NLGN4X: variants seen among roughly 807,000 people sequenced by gnomAD.
NLGN4X encodes neuroligin-4, X-linked.
In NLGN4X, 3 loss-of-function variants were observed where a neutral mutation model predicts 40.3. The observed-to-expected ratio is 0.07, with a 90% CI of 0.03 to 0.19. NLGN4X has a LOEUF of 0.19. Ranked by LOEUF, NLGN4X falls within the 10% of genes least tolerant of loss-of-function variation. NLGN4X has a pLI of 1.00. For missense variants in NLGN4X, 382 were observed against 708.3 expected, an observed-to-expected ratio of 0.54 and a Z score of 5.23; for synonymous variants, 270 against 306.8, an observed-to-expected ratio of 0.88 and a Z score of 1.25.
chrX:6,141,144 G>A (rs965882266), intron 2 of NLGN4X, among the ~76,000 whole-genome samples: 2 of 111,148 alleles, frequency 1.8e-5, no homozygotes, highest in Non-Finnish European at 1.9e-5. Flanking sequence ...ACAACTTCTC[G>A]ATTTCTGTTT....
At chrX:5,973,859 C>A (rs1569162422) in intron 3 of NLGN4X, among the ~76,000 whole-genome samples, 1 of 111,762 alleles carries the variant, frequency 8.9e-6, no homozygotes, top group East Asian at 2.8e-4. Flanking sequence ...GGAAGTTTCA[C>A]TGCACTAGGG....
chrX:5,903,746 G>A lies in NLGN4X; in HGVS notation c.932C>T (p.Thr311Ile). The A allele has an allele frequency of 8.3e-7, 1 of 1,211,842 alleles. No individual in the cohort carries two copies. The highest frequency in any genetic ancestry group is 1.1e-6 in the Non-Finnish European group (1 of 895,578). ...ADKVGCNMLD[T>I]TDMVECLRNK... ...CCGCAGGCATTCTACCATGTCCGTG[G>A]TGTCCAGCATGTTGCAGCCGACCTT... Residue 311 changes from threonine to isoleucine, a missense_variant, in exon 5 of 6, where the codon ACC (threonine) becomes ATC (isoleucine). Coordinates refer to ENST00000381095, the MANE Select transcript of NLGN4X (RefSeq NM_181332.3).
intron 3 of NLGN4X, among the ~76,000 whole-genome samples, chrX:5,929,372 C>T (rs922953578): frequency 9.0e-5 from 10 of 111,380 alleles, no homozygotes; most frequent in Admixed American, 5.7e-4. Flanking sequence ...GAGGCTGAGA[C>T]AGGAGAATCA....
At chrX:6,213,178 A>G (rs1416803445) in intron 1 of NLGN4X, among the ~76,000 whole-genome samples, 1 of 110,828 alleles carries the variant, frequency 9.0e-6, no homozygotes, top group East Asian at 2.9e-4. Context: ...TCTTCTGGAC[A>G]GTAGTCACCG....
intron 2 of NLGN4X, among the ~76,000 whole-genome samples, chrX:6,071,205 G>GT (rs1224308214): frequency 9.0e-6 from 1 of 111,655 alleles, no homozygotes; most frequent in Non-Finnish European, 1.9e-5. Context: ...GAAACAGTGT[G>GT]TATTGCGGCT....
intron 3 of NLGN4X, among the ~76,000 whole-genome samples, chrX:6,022,978 T>C (rs755360715): frequency 2.7e-5 from 3 of 112,144 alleles, no homozygotes; most frequent in Admixed American, 9.5e-5. Context: ...AAGCGTCTAA[T>C]AGGTTTATTC....
intron 4 of NLGN4X, among the ~76,000 whole-genome samples, chrX:5,907,886 A>G (rs2032278545): frequency 9.4e-6 from 1 of 106,573 alleles, no homozygotes; most frequent in African/African-American, 3.4e-5. Context: ...AGGGAGGGAG[A>G]GAGAGAGAAA....
intron 3 of NLGN4X, among the ~76,000 whole-genome samples, chrX:5,913,845 G>C (rs949077583): frequency 2.7e-5 from 3 of 111,821 alleles, no homozygotes; most frequent in Non-Finnish European, 5.6e-5. Flanking sequence ...TGAATCATGG[G>C]GGTGGGTTTT....
chrX:5,932,785 G>A (rs1471669007), intron 3 of NLGN4X, among the ~76,000 whole-genome samples: 4 of 110,383 alleles, frequency 3.6e-5, no homozygotes, highest in African/African-American at 1.3e-4. Context: ...ACCAGGATCA[G>A]GTAACAGAAA....
At chrX:5,946,651 G>A (rs1321184740) in intron 3 of NLGN4X, among the ~76,000 whole-genome samples, 3 of 111,406 alleles carry the variant, frequency 2.7e-5, no homozygotes, top group East Asian at 5.7e-4. Flanking sequence ...CAGAAAGACC[G>A]CCCATAAATG....
rs780932983 is a variant in NLGN4X at position 6,151,499 on chromosome X, C to T, written c.-33G>A. On this transcript the variant is annotated 5_prime_UTR_variant, in exon 2 of 6. Transcript: ENST00000381095. ...ATCTGCATCCACATCCACAGCTGTC[C>T]CAGTGATGTGGCTCCAAGGAGACAA... The T allele has an allele frequency of 9.6e-6, 11 of 1,145,991 alleles. No homozygotes were observed. The South Asian group carries it at 2.0e-4, about 21-fold the overall frequency. The allele number at this position is 1,145,991 out of a possible 1,213,427, so 94.4% of individuals were successfully genotyped here. A position where few individuals can be genotyped will look rare whatever the true frequency, so the allele number is the denominator to read the frequency against.
At chrX:5,947,880 G>A (rs754938511) in intron 3 of NLGN4X, among the ~76,000 whole-genome samples, 14 of 112,178 alleles carry the variant, frequency 1.2e-4, no homozygotes, top group Non-Finnish European at 2.3e-4. Context: ...CTTTTTAAAT[G>A]TATGTCTCAT....
intron 2 of NLGN4X, among the ~76,000 whole-genome samples, chrX:6,036,643 C>CAA (rs1177520572): frequency 1.8e-5 from 2 of 109,322 alleles, no homozygotes; most frequent in African/African-American, 6.7e-5. Context: ...CACACACACA[C>CAA]AGCCCAAATA....
At chrX:6,071,038 C>T (rs1178173748) in intron 2 of NLGN4X, among the ~76,000 whole-genome samples, 2 of 111,297 alleles carry the variant, frequency 1.8e-5, no homozygotes, top group African/African-American at 3.3e-5. Context: ...CTGAGGTGAG[C>T]GGACTGCTTG....
chrX:5,892,328 C>T lies in NLGN4X; in HGVS notation c.*489G>A, dbSNP rs2031220214. On this transcript the variant is annotated 3_prime_UTR_variant, in exon 6 of 6. Transcript: ENST00000381095. ...ACGTTTCCTTCTCTCTGGATTACAG[C>T]TCCATGTGCTGGGCAAAATCTCATT... is the stretch of plus-strand genomic sequence containing the variant. The T allele has an allele frequency of 5.9e-6, 1 of 168,090 alleles. No homozygotes were observed. Among genetic ancestry groups the T allele is most frequent in the Non-Finnish European group, 1.1e-5 (1 of 88,461 alleles). 13.9% of individuals were successfully genotyped at this position (168,090 alleles called of 1,213,427 possible). A position where few individuals can be genotyped will look rare whatever the true frequency, so the allele number is the denominator to read the frequency against.
At chrX:6,179,712 C>A (rs1416004688) in intron 1 of NLGN4X, among the ~76,000 whole-genome samples, 1 of 111,659 alleles carries the variant, frequency 9.0e-6, no homozygotes, top group Non-Finnish European at 1.9e-5. Flanking sequence ...CCACCTGCAG[C>A]CCAATCTCTC....
At chrX:6,132,976 G>A (rs1415307708) in intron 2 of NLGN4X, among the ~76,000 whole-genome samples, 1 of 111,675 alleles carries the variant, frequency 9.0e-6, no homozygotes, top group Non-Finnish European at 1.9e-5. Context: ...ACATCTCTAA[G>A]GTGGTTCTGT....
intron 3 of NLGN4X, among the ~76,000 whole-genome samples, chrX:5,938,764 T>C (rs1428959075): frequency 1.8e-5 from 2 of 111,460 alleles, no homozygotes; most frequent in Non-Finnish European, 3.8e-5. Flanking sequence ...AAAATCATAA[T>C]CAGAAAAACA....
At chrX:6,078,313 G>A (rs7057191) in intron 2 of NLGN4X, among the ~76,000 whole-genome samples, 52,532 of 110,812 alleles carry the variant, frequency 0.47, 9,040 homozygotes, top group Admixed American at 0.52. Flanking sequence ...ACAACAATGG[G>A]TCATGAATAG....
Sources: gnomAD v4.1 joint callset for allele counts (sites outside exome capture counted in the v4.1 genomes callset) on GRCh38, gnomAD v4.1.1 for gene constraint, MANE v1.5 for transcripts, NCBI Gene and HGNC (gene_info 2026-07-23, HGNC 2026-07-21) for gene names.